Variants in EYS observed in about 807,000 individuals in gnomAD.
EYS encodes the protein EGF-like photoreceptor maintenance factor, also known as protein eyes shut homolog.
A neutral mutation model predicts 282.1 loss-of-function variants in EYS; 250 were observed. The ratio of observed to expected loss-of-function variants is 0.89; its 90% CI spans 0.80 to 0.98. The LOEUF (loss-of-function observed/expected upper bound fraction) is 0.98, where lower values mean the gene tolerates loss of function less well. EYS is among the 50% of genes least tolerant of loss of function. The pLI, the probability that EYS is intolerant of heterozygous loss-of-function variation, is 0.00. For synonymous variants in EYS, 1,355 were observed against 1,282.9 expected (o/e 1.06, Z -1.20); for missense variants, 4,016 against 3,709.0 (o/e 1.08, Z -2.15).
intron 31 of EYS, among the ~76,000 whole-genome samples, chr6:64,135,208 G>A (rs183500897): frequency 0.02 from 2,940 of 146,792 alleles, 83 homozygotes; most frequent in African/African-American, 0.075. Flanking sequence ...CAACAGTAGT[G>A]GTGCTTTTTT....
intron 2 of EYS, among the ~76,000 whole-genome samples, chr6:65,617,413 T>A (rs1766242057): frequency 6.6e-6 from 1 of 152,126 alleles, no homozygotes; most frequent in South Asian, 2.1e-4. Context: ...ACATATCTAT[T>A]GGTAAATGTT....
intron 1 of EYS, among the ~76,000 whole-genome samples, chr6:65,661,049 G>A (rs934665156): frequency 6.6e-6 from 1 of 151,778 alleles, no homozygotes; most frequent in Admixed American, 6.6e-5. Flanking sequence ...AAATAACTCG[G>A]TCTATAAGTG....
chr6:65,395,927 A>G (rs186569339), intron 7 of EYS, among the ~76,000 whole-genome samples: 27 of 152,270 alleles, frequency 1.8e-4, no homozygotes, highest in Admixed American at 3.3e-4. Context: ...AAAATTTTAC[A>G]TATTAGTTAG....
At chr6:64,294,075 A>G (rs1263168375) in intron 30 of EYS, among the ~76,000 whole-genome samples, 3 of 113,362 alleles carry the variant, frequency 2.6e-5, no homozygotes, top group Non-Finnish European at 3.6e-5. Flanking sequence ...GAGATAGAAA[A>G]TGCTATAAGA....
At chr6:65,609,218 C>T (rs1765908863) in intron 2 of EYS, among the ~76,000 whole-genome samples, 1 of 151,692 alleles carries the variant, frequency 6.6e-6, no homozygotes, top group South Asian at 2.1e-4. Context: ...ACTACCACCA[C>T]TAAGAGATAG....
intron 10 of EYS, among the ~76,000 whole-genome samples, chr6:65,339,018 T>C (rs1770097465): frequency 6.6e-6 from 1 of 151,228 alleles, no homozygotes; most frequent in Non-Finnish European, 1.5e-5. Context: ...ATAGGGTCAC[T>C]TGGCAAAGGA....
At chr6:64,609,025 G>A (rs1051109046) in intron 24 of EYS, among the ~76,000 whole-genome samples, 5 of 152,068 alleles carry the variant, frequency 3.3e-5, no homozygotes, top group African/African-American at 9.7e-5. Flanking sequence ...AAGACCAAGA[G>A]TGAACTCTAA....
intron 11 of EYS, among the ~76,000 whole-genome samples, chr6:65,320,478 T>A (rs1489735236): frequency 6.6e-6 from 1 of 151,982 alleles, no homozygotes; most frequent in Non-Finnish European, 1.5e-5. Flanking sequence ...GAAGCAGGGG[T>A]GGAGTTCCTC....
At chr6:64,801,948 G>A (rs1286660169) in intron 22 of EYS, among the ~76,000 whole-genome samples, 1 of 150,466 alleles carries the variant, frequency 6.6e-6, no homozygotes, top group Non-Finnish European at 1.5e-5. Context: ...CTCTGATTAG[G>A]TTGGCTGTAG....
chr6:64,474,050 C>G (rs1369875250), intron 26 of EYS, among the ~76,000 whole-genome samples: 1 of 152,238 alleles, frequency 6.6e-6, no homozygotes, highest in South Asian at 2.1e-4. Context: ...TTTAGTTCCC[C>G]AACCTAAAAG....
At chr6:63,743,013 G>A (rs1486820183) in intron 41 of EYS, among the ~76,000 whole-genome samples, 2 of 151,988 alleles carry the variant, frequency 1.3e-5, no homozygotes, top group African/African-American at 4.8e-5. Context: ...AGGGTTGTAT[G>A]GTTAATGTAT....
At chr6:64,955,112 G>A (rs186332180) in intron 14 of EYS, among the ~76,000 whole-genome samples, 55 of 152,088 alleles carry the variant, frequency 3.6e-4, no homozygotes, top group Admixed American at 2.9e-3. Flanking sequence ...CCTGGGAGGC[G>A]GAGGCAGCAG....
chr6:64,976,926 T>C (rs145482798), intron 14 of EYS, among the ~76,000 whole-genome samples: 3,598 of 152,066 alleles, frequency 0.024, 135 homozygotes, highest in African/African-American at 0.082. Context: ...GGAGTCTCAT[T>C]CTGTCACCCA....
intron 21 of EYS, among the ~76,000 whole-genome samples, chr6:64,819,211 T>C (rs911702963): frequency 6.6e-6 from 1 of 152,154 alleles, no homozygotes; most frequent in African/African-American, 2.4e-5. Flanking sequence ...TCACTTTCCA[T>C]GTGGAGCTGG....
intron 33 of EYS, among the ~76,000 whole-genome samples, chr6:64,050,016 G>A (rs1006063724): frequency 6.6e-6 from 1 of 152,078 alleles, no homozygotes; most frequent in Non-Finnish European, 1.5e-5. Flanking sequence ...AACCTGTGTA[G>A]GCAGTGAGTT....
intron 6 of EYS, 63 bp downstream of exon 6, chr6:65,405,111 A>C: frequency 9.0e-7 from 1 of 1,117,074 alleles, no homozygotes; most frequent in Admixed American, 1.8e-5. Flanking sequence ...ATTCTTTTCA[A>C]ATTGCTTGGT....
chr6:64,855,556 A>C, intron 19 of EYS, among the ~76,000 whole-genome samples: 1 of 152,114 alleles, frequency 6.6e-6, no homozygotes, highest in East Asian at 1.9e-4. Flanking sequence ...TCCCCTATAC[A>C]TATTTTCTCC....
At chr6:64,974,902 C>A (rs565910865) in intron 14 of EYS, among the ~76,000 whole-genome samples, 3 of 151,724 alleles carry the variant, frequency 2.0e-5, no homozygotes, top group African/African-American at 7.2e-5. Context: ...TTGGTGTGTG[C>A]ATAAATTTAA....
intron 30 of EYS, among the ~76,000 whole-genome samples, chr6:64,253,618 A>T (rs1472622435): frequency 6.6e-6 from 1 of 152,154 alleles, no homozygotes; most frequent in Non-Finnish European, 1.5e-5. Context: ...CTAAAGAAGT[A>T]TCAGGTCTGT....
Sources: allele counts gnomAD v4.1 joint callset (sites outside exome capture counted in the v4.1 genomes callset), GRCh38; gene constraint gnomAD v4.1.1; transcripts MANE v1.5; gene names NCBI Gene and HGNC (gene_info 2026-07-23, HGNC 2026-07-21).